YWHAE: variants seen among roughly 807,000 people sequenced by gnomAD.
YWHAE encodes the protein 14-3-3 protein epsilon.
Under a neutral mutation model 30.1 loss-of-function variants are expected in YWHAE, and 4 were observed. The ratio of observed to expected loss-of-function variants is 0.13; its 90% CI spans 0.07 to 0.30. The LOEUF (loss-of-function observed/expected upper bound fraction) is 0.30. YWHAE is among the 10% of genes least tolerant of loss of function. The pLI is 1.00. For synonymous variants in YWHAE, 118 were observed against 111.8 expected (o/e 1.06, Z -0.35); for missense variants, 121 against 315.9 (o/e 0.38, Z 4.68).
intron 1 of YWHAE, among the ~76,000 whole-genome samples, chr17:1,382,196 C>T (rs1267626602): frequency 6.6e-6 from 1 of 151,654 alleles, no homozygotes; most frequent in South Asian, 2.1e-4. Flanking sequence ...CTTCAGGCGC[C>T]CACCACCATG....
intron 1 of YWHAE, among the ~76,000 whole-genome samples, chr17:1,374,239 A>C (rs958031963): frequency 1.3e-5 from 2 of 151,982 alleles, no homozygotes; most frequent in Admixed American, 6.6e-5. Context: ...AACTGCTTGA[A>C]CACGGGAGGC....
rs565870438 is a variant in YWHAE, at chr17:1,368,058, C to G, written c.65-3000G>C. On this transcript the variant is annotated intron_variant, in intron 1 of 5. Transcript: ENST00000264335. The stretch of plus-strand genomic sequence containing the variant: ...CTGAGGTCAGGAGTTCAAGACCAGC[C>G]TGGCCAACATGGTGACACCCCGTCT... 5.3e-5 allele frequency among the ~76,000 whole-genome samples: 8 copies of G among 152,202 alleles called. 1 individual carries two copies. In the South Asian group the frequency reaches 1.7e-3, roughly 32 times the overall value.
At chr17:1,358,263 G>A (rs574459932) in intron 4 of YWHAE, among the ~76,000 whole-genome samples, 19 of 151,902 alleles carry the variant, frequency 1.3e-4, no homozygotes, top group Non-Finnish European at 1.9e-4. Flanking sequence ...TTTTTGAGAC[G>A]GAGTCTCGCT....
chr17:1,356,043 C>T (rs1413338042), intron 4 of YWHAE, among the ~76,000 whole-genome samples: 2 of 152,154 alleles, frequency 1.3e-5, no homozygotes, highest in African/African-American at 4.8e-5. Flanking sequence ...GTGGCAGGTG[C>T]CTGTAGTCCC....
intron 1 of YWHAE, among the ~76,000 whole-genome samples, chr17:1,388,802 G>A (rs986840420): frequency 1.4e-4 from 22 of 152,084 alleles, no homozygotes; most frequent in African/African-American, 4.3e-4. Context: ...TCATGAATGT[G>A]TTTCTAAAAA....
At chr17:1,354,468 C>G (rs1195018087) in intron 4 of YWHAE, 121 bp from the exon 5 acceptor site, 10 of 1,014,690 alleles carry the variant, frequency 9.9e-6, no homozygotes, top group Non-Finnish European at 1.4e-5. Flanking sequence ...AATGATAATG[C>G]AAAGAAAAAG....
chr17:1,372,617 G>A (rs1049426317), intron 1 of YWHAE, among the ~76,000 whole-genome samples: 4 of 152,032 alleles, frequency 2.6e-5, no homozygotes, highest in African/African-American at 9.7e-5. Context: ...TTTAAATATT[G>A]TTATGTTTCA....
At chr17:1,387,130 T>C (rs1025702647) in intron 1 of YWHAE, among the ~76,000 whole-genome samples, 1 of 152,210 alleles carries the variant, frequency 6.6e-6, no homozygotes, top group Non-Finnish European at 1.5e-5. Context: ...TCTCAATATT[T>C]AGGGCAGGGT....
chr17:1,400,022 G>A (rs779692191), intron 1 of YWHAE, 25 bp downstream of exon 1: 2 of 1,605,616 alleles, frequency 1.2e-6, no homozygotes, highest in East Asian at 2.2e-5. Flanking sequence ...GAGAATTCCA[G>A]CCCCCCGTTG....
Position 1,384,030 on chromosome 17 carries a change from C to G in YWHAE, c.64+16017G>C, listed in dbSNP as rs148019188. ...ACCAACCTGGCCAACATGGTGAAAC[C>G]CCATTTCTACTAAAAATACAAAACA... is the stretch of plus-strand genomic sequence containing the variant. On this transcript the variant is annotated intron_variant, in intron 1 of 5. Coordinates refer to ENST00000264335, the MANE Select transcript of YWHAE (RefSeq NM_006761.5). 3.3e-3 allele frequency among the ~76,000 whole-genome samples: 506 copies of G among 151,912 alleles called. 3 individuals are homozygous for G. Among genetic ancestry groups the G allele is most frequent in the Non-Finnish European group, 5.1e-3 (347 of 67,960 alleles).
intron 1 of YWHAE, among the ~76,000 whole-genome samples, chr17:1,371,875 G>A (rs908469046): frequency 3.9e-5 from 5 of 129,604 alleles, no homozygotes; most frequent in African/African-American, 1.5e-4. Context: ...ATTTCACTTT[G>A]TCGCTCAGGC....
chr17:1,374,504 G>A (rs2073094796), intron 1 of YWHAE, among the ~76,000 whole-genome samples: 1 of 152,066 alleles, frequency 6.6e-6, no homozygotes, highest in Non-Finnish European at 1.5e-5. Flanking sequence ...TTTGAGGAAG[G>A]ACATCCCAAA....
intron 2 of YWHAE, among the ~76,000 whole-genome samples, chr17:1,364,383 C>T (rs1341311185): frequency 1.3e-5 from 2 of 152,038 alleles, no homozygotes; most frequent in Non-Finnish European, 2.9e-5. Flanking sequence ...CCCGCCACCA[C>T]GCCCAGCTAA....
intron 4 of YWHAE, among the ~76,000 whole-genome samples, chr17:1,358,828 T>TAAA (rs1219797455): frequency 1.6e-5 from 1 of 64,318 alleles, no homozygotes; most frequent in African/African-American, 4.6e-5. Flanking sequence ...AGACTCCATC[T>TAAA]TAAAAAAAAA....
chr17:1,352,644 G>A (rs1009659411), intron 5 of YWHAE, among the ~76,000 whole-genome samples: 57 of 151,854 alleles, frequency 3.8e-4, no homozygotes, highest in Non-Finnish European at 4.7e-4. Flanking sequence ...TCCGGCCTCA[G>A]CCTCCTGAGT....
chr17:1,397,102 T>G (rs958701208), intron 1 of YWHAE, among the ~76,000 whole-genome samples: 1 of 152,004 alleles, frequency 6.6e-6, no homozygotes, highest in African/African-American at 2.4e-5. Context: ...TTTCACCATG[T>G]TGGCCAGGCT....
chr17:1,383,670 G>A (rs2073252337), intron 1 of YWHAE, among the ~76,000 whole-genome samples: 1 of 151,962 alleles, frequency 6.6e-6, no homozygotes, highest in Admixed American at 6.6e-5. Context: ...TTACAGGTGT[G>A]AGCCACTGCA....
chr17:1,356,199 CACACACACACACACACAA>C (rs1371966600), intron 4 of YWHAE, among the ~76,000 whole-genome samples: 5 of 81,648 alleles, frequency 6.1e-5, no homozygotes, highest in South Asian at 4.7e-4. Flanking sequence ...CACACACACA[CACACACACACACACACAA>C]AATTAGCCGG....
intron 1 of YWHAE, among the ~76,000 whole-genome samples, chr17:1,393,432 G>A (rs147791821): frequency 1.1e-4 from 17 of 152,084 alleles, no homozygotes; most frequent in Admixed American, 4.6e-4. Context: ...GATAAACTAC[G>A]GGGCTTTTCT....
Sources: allele counts gnomAD v4.1 joint callset (sites outside exome capture counted in the v4.1 genomes callset), GRCh38; gene constraint gnomAD v4.1.1; transcripts MANE v1.5; gene names NCBI Gene and HGNC (gene_info 2026-07-23, HGNC 2026-07-21).